The following CNTN5 variants were observed in gnomAD, a reference collection of about 807,000 sequenced individuals.
CNTN5 encodes contactin-5.
CNTN5 carries 77 observed loss-of-function variants against 129.1 expected under a neutral mutation model. The ratio of observed to expected loss-of-function variants is 0.60; its 90% CI spans 0.50 to 0.72. CNTN5 has a LOEUF of 0.72. Among genes scored for constraint, CNTN5 ranks in the 30% least tolerant of loss-of-function variants. The pLI is 0.00. For synonymous variants in CNTN5, 509 were observed against 465.6 expected (o/e 1.09, Z -1.20); for missense variants, 1,478 against 1,328.8 (o/e 1.11, Z -1.75).
At chr11:99,078,807 G>C (rs2135274320) in intron 1 of CNTN5, among the ~76,000 whole-genome samples, 1 of 152,188 alleles carries the variant, frequency 6.6e-6, no homozygotes, top group African/African-American at 2.4e-5. Flanking sequence ...GGAGTGAAAT[G>C]GGGAGGGGGA....
intron 3 of CNTN5, among the ~76,000 whole-genome samples, chr11:99,577,187 G>GA (rs1203935073): frequency 6.6e-6 from 1 of 152,052 alleles, no homozygotes; most frequent in African/African-American, 2.4e-5. Flanking sequence ...TAGGTAGAGA[G>GA]AAAAAAAGAT....
intron 3 of CNTN5, among the ~76,000 whole-genome samples, chr11:99,769,334 G>T (rs1053029954): frequency 1.3e-5 from 2 of 152,068 alleles, no homozygotes; most frequent in East Asian, 3.9e-4. Context: ...CAAGATCTGA[G>T]TATGAGATAT....
chr11:99,107,455 T>TACATTAAGATGTAAAAAAAA (rs1387755038), intron 1 of CNTN5, among the ~76,000 whole-genome samples: 1 of 152,190 alleles, frequency 6.6e-6, no homozygotes, highest in Non-Finnish European at 1.5e-5. Context: ...TTACATATTT[T>TACATTAAGATGTAAAAAAAA]AGTTTAGTCT....
chr11:99,763,753 T>G (rs971141525), intron 3 of CNTN5, among the ~76,000 whole-genome samples: 1 of 152,060 alleles, frequency 6.6e-6, no homozygotes, highest in African/African-American at 2.4e-5. Flanking sequence ...AAAAGAAGAT[T>G]TTTAGTCTTG....
chr11:99,085,918 ATACT>A (rs1484271230), intron 1 of CNTN5, among the ~76,000 whole-genome samples: 1 of 152,156 alleles, frequency 6.6e-6, no homozygotes, highest in Non-Finnish European at 1.5e-5. Flanking sequence ...AGATATATAA[ATACT>A]TACCATTGTG....
At chr11:100,249,194 C>A (rs1049603224) in intron 16 of CNTN5, among the ~76,000 whole-genome samples, 1 of 152,038 alleles carries the variant, frequency 6.6e-6, no homozygotes, top group South Asian at 2.1e-4. Context: ...TTTAAAGATT[C>A]CAAGGAGATA....
chr11:99,166,286 C>T (rs1047288098), intron 1 of CNTN5, among the ~76,000 whole-genome samples: 2 of 151,510 alleles, frequency 1.3e-5, no homozygotes, highest in Admixed American at 1.3e-4. Flanking sequence ...CCTGTAGTCC[C>T]AGCTACTCTG....
chr11:100,357,311 G>C lies in CNTN5; in HGVS notation c.*1091G>C, dbSNP rs1389126066. 6.6e-6 allele frequency: 1 copy of C among 151,786 alleles called. No homozygotes were observed. Among genetic ancestry groups the C allele is most frequent in the Non-Finnish European group, 1.5e-5 (1 of 67,818 alleles). 9.4% of individuals were successfully genotyped at this position (151,786 alleles called of 1,614,324 possible). ...AGTAAAATAAAGACAGTCTTTCTTG[G>C]ATAAATTGAATTTTTAATTAAGCTG... On this transcript the variant is annotated 3_prime_UTR_variant, in exon 25 of 25. Transcript: ENST00000524871.
intron 2 of CNTN5, among the ~76,000 whole-genome samples, chr11:99,394,413 T>C (rs61891998): frequency 0.029 from 4,341 of 151,710 alleles, 82 homozygotes; most frequent in Middle Eastern, 0.051. Context: ...AACTGTAAAA[T>C]AAACACTAGC....
chr11:100,239,008 G>A (rs910468985), intron 16 of CNTN5, among the ~76,000 whole-genome samples: 3 of 152,196 alleles, frequency 2.0e-5, no homozygotes, highest in Non-Finnish European at 4.4e-5. Flanking sequence ...TGGGTTCTCT[G>A]TCAGTTTGCT....
At chr11:100,248,645 C>T (rs1271179448) in intron 16 of CNTN5, among the ~76,000 whole-genome samples, 1 of 152,068 alleles carries the variant, frequency 6.6e-6, no homozygotes, top group Non-Finnish European at 1.5e-5. Flanking sequence ...TAATGTATAA[C>T]AATAGGTGTA....
chr11:99,356,496 C>A (rs1938680152), intron 2 of CNTN5, among the ~76,000 whole-genome samples: 1 of 152,178 alleles, frequency 6.6e-6, no homozygotes, highest in Non-Finnish European at 1.5e-5. Context: ...TTTTCAGCAG[C>A]ATCTTTCATG....
intron 3 of CNTN5, among the ~76,000 whole-genome samples, chr11:99,671,101 G>T (rs188998922): frequency 2.0e-5 from 3 of 150,304 alleles, no homozygotes; most frequent in African/African-American, 7.3e-5. Flanking sequence ...TCTCTCGCTC[G>T]CTCGCTCGCT....
chr11:99,643,718 G>T (rs1004700672), intron 3 of CNTN5, among the ~76,000 whole-genome samples: 30 of 152,008 alleles, frequency 2.0e-4, no homozygotes, highest in African/African-American at 7.2e-4. Context: ...CTGACTGTGA[G>T]CCACACAAAC....
chr11:99,999,392 G>A (rs1327878605), intron 8 of CNTN5, among the ~76,000 whole-genome samples: 25 of 152,096 alleles, frequency 1.6e-4, no homozygotes, highest in African/African-American at 3.9e-4. Context: ...TGCAGCCAAA[G>A]GACACATGCA....
intron 1 of CNTN5, among the ~76,000 whole-genome samples, chr11:99,093,602 A>G (rs1342050343): frequency 1.3e-5 from 2 of 152,114 alleles, no homozygotes; most frequent in Non-Finnish European, 2.9e-5. Context: ...AAGAAAAGTT[A>G]ACCAGAGTCC....
At chr11:99,793,688 C>G (rs373431649) in intron 3 of CNTN5, among the ~76,000 whole-genome samples, 2 of 152,094 alleles carry the variant, frequency 1.3e-5, no homozygotes, top group Non-Finnish European at 1.5e-5. Context: ...GCCCAGAAGT[C>G]GCTCAGGAGC....
intron 1 of CNTN5, among the ~76,000 whole-genome samples, chr11:99,076,866 C>T (rs1865598144): frequency 6.6e-6 from 1 of 152,088 alleles, no homozygotes; most frequent in Non-Finnish European, 1.5e-5. Context: ...TCTGTATTTT[C>T]CAATGCTTGA....
At chr11:99,941,626 A>G (rs1950439844) in intron 7 of CNTN5, among the ~76,000 whole-genome samples, 1 of 152,042 alleles carries the variant, frequency 6.6e-6, no homozygotes, top group African/African-American at 2.4e-5. Context: ...TAGATTGATT[A>G]TTGATAGTTC....
Sources: gnomAD v4.1 joint callset for allele counts (sites outside exome capture counted in the v4.1 genomes callset) on GRCh38, gnomAD v4.1.1 for gene constraint, MANE v1.5 for transcripts, NCBI Gene and HGNC (gene_info 2026-07-23, HGNC 2026-07-21) for gene names.